The following CCDC171 variants were observed in gnomAD, a reference collection of about 807,000 sequenced individuals.
The protein encoded by CCDC171 is coiled-coil domain-containing protein 171.
Under a neutral mutation model 168.2 loss-of-function variants are expected in CCDC171, and 177 were observed. The observed-to-expected ratio is 1.05, with a 90% CI of 0.93 to 1.19. The LOEUF is 1.19. Among genes scored for constraint, CCDC171 ranks in the 50% most tolerant of loss-of-function variants. The pLI is 0.00. For synonymous variants in CCDC171, 687 were observed against 540.8 expected (o/e 1.27, Z -3.75); for missense variants, 1,991 against 1,539.0 (o/e 1.29, Z -4.91).
Position 15,574,349 on chromosome 9 carries a change from TG to T in CCDC171, c.177+2592del, listed in dbSNP as rs537996140. ...TAGTAGAGACGGGATTTCACCATCT[TG>T]GCCAGGCTGGTCTCGAACTCCTGAC... On this transcript the variant is annotated intron_variant, in intron 3 of 25. Coordinates refer to ENST00000380701, the MANE Select transcript of CCDC171 (RefSeq NM_173550.4). Among the ~76,000 whole-genome samples the T allele has an allele frequency of 1.3e-3, 203 of 152,106 alleles. 1 individual carries two copies. Among genetic ancestry groups the T allele is most frequent in the African/African-American group, 4.8e-3 (198 of 41,490 alleles).
intron 6 of CCDC171, among the ~76,000 whole-genome samples, chr9:15,597,088 C>T (rs1460545596): frequency 6.6e-6 from 1 of 152,108 alleles, no homozygotes; most frequent in African/African-American, 2.4e-5. Context: ...ATGTCATCTG[C>T]AAACAGGGAC....
chr9:15,658,696 C>T (rs1389600691), intron 8 of CCDC171, among the ~76,000 whole-genome samples: 1 of 152,032 alleles, frequency 6.6e-6, no homozygotes, highest in Middle Eastern at 3.2e-3. Flanking sequence ...CAGAGTAGGT[C>T]ACCATGAACC....
intron 23 of CCDC171, among the ~76,000 whole-genome samples, chr9:15,862,208 T>A (rs954717485): frequency 1.3e-5 from 2 of 151,854 alleles, no homozygotes; most frequent in African/African-American, 4.8e-5. Context: ...ACTTAAAAAT[T>A]CTCTTTTTTT....
chr9:15,652,906 T>C (rs1327645893), intron 7 of CCDC171, among the ~76,000 whole-genome samples: 7 of 152,232 alleles, frequency 4.6e-5, no homozygotes, highest in Non-Finnish European at 7.3e-5. Context: ...TAATTGCTTT[T>C]TTATATAATA....
intron 1 of CCDC171, among the ~76,000 whole-genome samples, chr9:16,054,235 ACCCATTAT>A (rs1183693288): frequency 6.6e-6 from 1 of 152,124 alleles, no homozygotes; most frequent in Non-Finnish European, 1.5e-5. Context: ...CACCCTGGTA[ACCCATTAT>A]CCTGCCCTCA....
At chr9:15,787,635 T>A (rs2058037916) in intron 21 of CCDC171, among the ~76,000 whole-genome samples, 1 of 152,202 alleles carries the variant, frequency 6.6e-6, no homozygotes, top group South Asian at 2.1e-4. Context: ...TTCATCAGGA[T>A]GAATTCCTAG....
At chr9:15,783,786 C>A (rs942129460) in intron 20 of CCDC171, among the ~76,000 whole-genome samples, 5 of 152,150 alleles carry the variant, frequency 3.3e-5, no homozygotes, top group Non-Finnish European at 5.9e-5. Context: ...ATTGTAAAAA[C>A]CATGTTGTGT....
chr9:15,726,935 C>A (rs1179767271), intron 14 of CCDC171, among the ~76,000 whole-genome samples: 7 of 152,014 alleles, frequency 4.6e-5, no homozygotes, highest in African/African-American at 1.7e-4. Context: ...AGATGAAACA[C>A]CTTATAAAGA....
chr9:16,025,400 G>A (rs2133031577), intron 6 of CCDC171, among the ~76,000 whole-genome samples: 1 of 152,320 alleles, frequency 6.6e-6, no homozygotes, highest in South Asian at 2.1e-4. Context: ...CTTGCAGTGA[G>A]CTGAGATTGC....
chr9:16,058,082 C>A (rs1158519749), intron 1 of CCDC171, among the ~76,000 whole-genome samples: 1 of 151,838 alleles, frequency 6.6e-6, no homozygotes, highest in African/African-American at 2.4e-5. Context: ...AATTGGTTCA[C>A]CCGTCTGTCA....
intron 3 of CCDC171, among the ~76,000 whole-genome samples, chr9:15,576,719 C>T (rs1361760761): frequency 3.3e-5 from 5 of 152,206 alleles, no homozygotes; most frequent in East Asian, 3.8e-4. Context: ...ATATCCACGT[C>T]GATCTTGTAC....
chr9:15,730,268 AT>A (rs1252096505), intron 16 of CCDC171, among the ~76,000 whole-genome samples: 2 of 151,854 alleles, frequency 1.3e-5, no homozygotes, highest in African/African-American at 4.8e-5. Context: ...TATAACTGAT[AT>A]TATATAAGGT....
At chr9:15,992,227 C>A (rs1194208982) in intron 3 of CCDC171, among the ~76,000 whole-genome samples, 1 of 152,170 alleles carries the variant, frequency 6.6e-6, no homozygotes, top group African/African-American at 2.4e-5. Context: ...AAAAGCTTAT[C>A]CACCATGACC....
chr9:15,812,061 A>T (rs2059379721), intron 21 of CCDC171, among the ~76,000 whole-genome samples: 2 of 152,172 alleles, frequency 1.3e-5, no homozygotes, highest in Non-Finnish European at 2.9e-5. Flanking sequence ...TGGCTTTGGC[A>T]CTCTGGTTTG....
rs1164951577 is a variant in CCDC171 at position 15,677,865 on chromosome 9, A to ATATG, written c.1077-892_1077-891insATGT. 6.6e-4 allele frequency among the ~76,000 whole-genome samples: 66 copies of ATATG among 99,520 alleles called. 1 individual carries two copies. Among genetic ancestry groups the ATATG allele is most frequent in the African/African-American group, 2.2e-3 (58 of 26,296 alleles). The allele number at this position is 99,520 out of a possible 152,430, so 65.3% of individuals were successfully genotyped here. On this transcript the variant is annotated intron_variant, in intron 9 of 25. Transcript: ENST00000380701. Reference sequence around the variant, plus strand: ...TGTGTGTGTGTGTATGTATATATATATGTGTGTGTGTGTCATATATATATA... The same window carrying ATATG: ...TGTGTGTGTGTGTATGTATATATATATATGTGTGTGTGTGTGTCATATATATATA...
chr9:16,078,885 T>C, the CCDC171 span, among the ~76,000 whole-genome samples: 1 of 152,108 alleles, frequency 6.6e-6, no homozygotes, highest in Non-Finnish European at 1.5e-5. Flanking sequence ...ATTTTGGGTG[T>C]TTTGTACTTG....
chr9:16,034,665 C>T (rs1833430747), intron 6 of CCDC171, among the ~76,000 whole-genome samples: 1 of 152,202 alleles, frequency 6.6e-6, no homozygotes, highest in African/African-American at 2.4e-5. Context: ...CCAGTGTTCT[C>T]ACCACTGTGA....
chr9:15,777,920 G>A (rs1322142662), intron 19 of CCDC171, 94 bp downstream of exon 19: 5 of 772,282 alleles, frequency 6.5e-6, no homozygotes, highest in East Asian at 5.7e-5. Flanking sequence ...AGTTGTACAT[G>A]AATGTATCTG....
At chr9:15,592,404 C>G (rs1191292183) in intron 5 of CCDC171, among the ~76,000 whole-genome samples, 1 of 152,020 alleles carries the variant, frequency 6.6e-6, no homozygotes, top group African/African-American at 2.4e-5. Context: ...TCTACCTTTA[C>G]CATTGGTGTA....
Sources: allele counts gnomAD v4.1 joint callset (sites outside exome capture counted in the v4.1 genomes callset), GRCh38; gene constraint gnomAD v4.1.1; transcripts MANE v1.5; gene names NCBI Gene and HGNC (gene_info 2026-07-23, HGNC 2026-07-21).